Variants in FGF14 observed in about 807,000 individuals in gnomAD.
FGF14 encodes fibroblast growth factor 14.
In FGF14, 5 loss-of-function variants were observed where a neutral mutation model predicts 25.5. The observed-to-expected ratio is 0.20, with a 90% CI of 0.10 to 0.41. The LOEUF (loss-of-function observed/expected upper bound fraction) is 0.41. Ranked by LOEUF, FGF14 falls within the 10% of genes least tolerant of loss-of-function variation. The pLI is 1.00. For synonymous variants in FGF14, 138 were observed against 118.3 expected (o/e 1.17, Z -1.08); for missense variants, 222 against 320.1 (o/e 0.69, Z 2.34).
chr13:101,805,638 G>T (rs2140156081), intron 3 of FGF14, among the ~76,000 whole-genome samples: 1 of 152,148 alleles, frequency 6.6e-6, no homozygotes, highest in Non-Finnish European at 1.5e-5. Context: ...CTGAAATATG[G>T]CTATATAATA....
At chr13:102,399,172 A>G (rs1195288557) in intron 1 of FGF14, among the ~76,000 whole-genome samples, 1 of 152,070 alleles carries the variant, frequency 6.6e-6, no homozygotes, top group African/African-American at 2.4e-5. Flanking sequence ...AGGAAGTGTA[A>G]TAAGATTGTG....
chr13:101,982,993 T>C (rs1271659405), intron 1 of FGF14, among the ~76,000 whole-genome samples: 2 of 152,210 alleles, frequency 1.3e-5, no homozygotes, highest in Non-Finnish European at 2.9e-5. Flanking sequence ...ACTTTCTACT[T>C]AGAAGTTCTC....
At chr13:102,122,407 T>G (rs1387569240) in intron 1 of FGF14, among the ~76,000 whole-genome samples, 1 of 152,190 alleles carries the variant, frequency 6.6e-6, no homozygotes, top group Non-Finnish European at 1.5e-5. Context: ...TCTCACAGCT[T>G]CCTGCTAACA....
intron 1 of FGF14, among the ~76,000 whole-genome samples, chr13:101,922,011 C>T (rs1200697397): frequency 2.6e-5 from 4 of 152,116 alleles, no homozygotes; most frequent in African/African-American, 4.8e-5. Context: ...AAAATATAAG[C>T]CTATAAAGGT....
chr13:101,806,982 T>C (rs2041241665), intron 3 of FGF14, among the ~76,000 whole-genome samples: 1 of 152,078 alleles, frequency 6.6e-6, no homozygotes, highest in African/African-American at 2.4e-5. Flanking sequence ...TAACTTTCAC[T>C]GCGGACTTCT....
At chr13:101,828,842 T>C (rs1271388615) in intron 3 of FGF14, among the ~76,000 whole-genome samples, 1 of 152,120 alleles carries the variant, frequency 6.6e-6, no homozygotes, top group Non-Finnish European at 1.5e-5. Flanking sequence ...TTTTTATATA[T>C]GTACTCAGGA....
At chr13:102,135,680 G>C (rs557483026) in intron 1 of FGF14, among the ~76,000 whole-genome samples, 3 of 152,184 alleles carry the variant, frequency 2.0e-5, no homozygotes, top group African/African-American at 4.8e-5. Flanking sequence ...TTTTGGGACG[G>C]AGTCTCGCTC....
chr13:102,384,664 A>C (rs571295081), intron 1 of FGF14, among the ~76,000 whole-genome samples: 1 of 152,306 alleles, frequency 6.6e-6, no homozygotes, highest in African/African-American at 2.4e-5. Context: ...GTACCCTACA[A>C]TACTAATCAG....
chr13:101,724,602 ATAT>A (rs2035256652), intron 4 of FGF14, among the ~76,000 whole-genome samples: 1 of 6,932 alleles, frequency 1.4e-4, no homozygotes, highest in Admixed American at 2.2e-3. Flanking sequence ...AATAAAATAT[ATAT>A]ATATATATAT....
intron 1 of FGF14, among the ~76,000 whole-genome samples, chr13:101,927,334 A>C (rs1206738481): frequency 6.6e-6 from 1 of 152,264 alleles, no homozygotes; most frequent in Non-Finnish European, 1.5e-5. Context: ...TAAACTGTCC[A>C]AACACAAATT....
intron 1 of FGF14, among the ~76,000 whole-genome samples, chr13:102,357,350 G>A (rs1457245984): frequency 6.6e-6 from 1 of 152,096 alleles, no homozygotes; most frequent in African/African-American, 2.4e-5. Flanking sequence ...TCTCCTCTGG[G>A]AGAGTGTGCG....
chr13:101,856,086 A>G (rs1594498628), intron 3 of FGF14, among the ~76,000 whole-genome samples: 2 of 151,746 alleles, frequency 1.3e-5, no homozygotes. Context: ...CTCAAACTAC[A>G]TTAGGAAAAT....
At chr13:101,961,380 AG>A (rs994405892) in intron 1 of FGF14, among the ~76,000 whole-genome samples, 6 of 152,178 alleles carry the variant, frequency 3.9e-5, no homozygotes, top group Non-Finnish European at 8.8e-5. Flanking sequence ...TGTAAGGAAG[AG>A]GTCCAGTTTC....
intron 3 of FGF14, among the ~76,000 whole-genome samples, chr13:101,826,563 A>G (rs758020506): frequency 6.6e-6 from 1 of 152,076 alleles, no homozygotes; most frequent in African/African-American, 2.4e-5. Flanking sequence ...TGTGGAATGG[A>G]AAGTACACAG....
intron 1 of FGF14, among the ~76,000 whole-genome samples, chr13:102,132,948 T>C (rs1338841992): frequency 6.6e-6 from 1 of 152,234 alleles, no homozygotes; most frequent in Admixed American, 6.5e-5. Flanking sequence ...CCTGAATGCA[T>C]TTCCATTTGA....
chr13:102,031,109 T>C (rs2041186216), intron 1 of FGF14, among the ~76,000 whole-genome samples: 1 of 152,064 alleles, frequency 6.6e-6, no homozygotes. Flanking sequence ...CATTTATGCT[T>C]TATGAAGTAT....
chr13:102,129,169 G>T (rs746341221), intron 1 of FGF14, among the ~76,000 whole-genome samples: 5 of 152,108 alleles, frequency 3.3e-5, no homozygotes, highest in Non-Finnish European at 7.3e-5. Flanking sequence ...AGAATCACTT[G>T]AACTCGGGAA....
chr13:102,171,567 C>A (rs1037295375), intron 1 of FGF14, among the ~76,000 whole-genome samples: 4 of 152,084 alleles, frequency 2.6e-5, no homozygotes, highest in Non-Finnish European at 4.4e-5. Flanking sequence ...AATAAAACAA[C>A]AAGACTTAAT....
At chr13:102,290,599 C>G (rs570243984) in intron 1 of FGF14, among the ~76,000 whole-genome samples, 147 of 152,222 alleles carry the variant, frequency 9.7e-4, no homozygotes, top group Admixed American at 2.2e-3. Context: ...GTTCTGGTGC[C>G]AACTACCAAC....
Sources: allele counts gnomAD v4.1 joint callset (sites outside exome capture counted in the v4.1 genomes callset), GRCh38; gene constraint gnomAD v4.1.1; transcripts MANE v1.5; gene names NCBI Gene and HGNC (gene_info 2026-07-23, HGNC 2026-07-21).